SRD5A2: variants seen among roughly 807,000 people sequenced by gnomAD.
SRD5A2 encodes the protein steroid 5 alpha-reductase 2.
Under a neutral mutation model 27.4 loss-of-function variants are expected in SRD5A2, and 30 were observed. That is an observed-to-expected ratio of 1.10 (90% CI 0.82 to 1.49). SRD5A2 has a LOEUF of 1.49. SRD5A2 is among the 40% of genes most tolerant of loss of function. The pLI is 0.00. For missense variants in SRD5A2, 348 were observed against 323.4 expected (o/e 1.08, Z -0.58); for synonymous variants, 141 against 133.6 (o/e 1.06, Z -0.38).
At chr2:31,558,684 G>C (rs551218091) in intron 1 of SRD5A2, among the ~76,000 whole-genome samples, 1 of 152,076 alleles carries the variant, frequency 6.6e-6, no homozygotes, top group Admixed American at 6.5e-5. Flanking sequence ...TGACATTTCG[G>C]TCAATGGCAC....
At chr2:31,547,445 T>C (rs890974171) in intron 1 of SRD5A2, among the ~76,000 whole-genome samples, 4 of 152,212 alleles carry the variant, frequency 2.6e-5, no homozygotes, top group Non-Finnish European at 5.9e-5. Context: ...GTTGGTGGAC[T>C]GGGTGGAGAA....
In SRD5A2 at chr2:31,523,988, C is replaced by G. The variant is rs1223534542; in HGVS notation, c.*2208G>C. 2 of 218,930 alleles carry G rather than the reference C, an allele frequency of 9.1e-6. No homozygotes were observed. The highest frequency in any genetic ancestry group is 2.2e-5 in the African/African-American group (1 of 44,524). The allele number at this position is 218,930 out of a possible 1,614,324, so 13.6% of individuals were successfully genotyped here. ...CGATCATGCTAACTTGAAAGGTCCACGATCAGGCAACAGGACTGGGGTTGG... is the reference window on the plus strand; with the variant it reads ...CGATCATGCTAACTTGAAAGGTCCAGGATCAGGCAACAGGACTGGGGTTGG... On this transcript the variant is annotated 3_prime_UTR_variant, in exon 5 of 5. Coordinates refer to ENST00000622030, the MANE Select transcript of SRD5A2 (RefSeq NM_000348.4).
the SRD5A2 span, among the ~76,000 whole-genome samples, chr2:31,625,342 T>C: frequency 6.6e-6 from 1 of 152,352 alleles, no homozygotes; most frequent in East Asian, 1.9e-4. Flanking sequence ...TTTCTTTTGC[T>C]GTGCAGAAGT....
the SRD5A2 span, among the ~76,000 whole-genome samples, chr2:31,600,634 T>C: frequency 6.6e-6 from 1 of 151,794 alleles, no homozygotes; most frequent in Non-Finnish European, 1.5e-5. Context: ...CACCAAACTT[T>C]TAAAGAACAA....
chr2:31,561,947 C>T (rs1426952616), intron 1 of SRD5A2, among the ~76,000 whole-genome samples: 1 of 152,134 alleles, frequency 6.6e-6, no homozygotes, highest in African/African-American at 2.4e-5. Context: ...CATGAAACAA[C>T]AGTTGCTCAG....
the SRD5A2 span, among the ~76,000 whole-genome samples, chr2:31,600,890 C>A: frequency 6.6e-6 from 1 of 151,798 alleles, no homozygotes; most frequent in Non-Finnish European, 1.5e-5. Flanking sequence ...TCCAGGGATG[C>A]AAGGATGGCT....
chr2:31,585,032 G>C (rs1274825049), upstream of SRD5A2, among the ~76,000 whole-genome samples: 2 of 152,194 alleles, frequency 1.3e-5, no homozygotes, highest in African/African-American at 4.8e-5. Context: ...ATTAAACTCA[G>C]TGTTGTCCTG....
At chr2:31,568,409 G>A (rs1666780621) in intron 1 of SRD5A2, among the ~76,000 whole-genome samples, 1 of 152,216 alleles carries the variant, frequency 6.6e-6, no homozygotes, top group Non-Finnish European at 1.5e-5. Flanking sequence ...GCTTCAGTGA[G>A]TGACAGAGAG....
At chr2:31,536,650 T>C (rs1005157860) in intron 1 of SRD5A2, among the ~76,000 whole-genome samples, 6 of 152,218 alleles carry the variant, frequency 3.9e-5, no homozygotes, top group Non-Finnish European at 8.8e-5. Flanking sequence ...ATAAAGTTCA[T>C]CTAATCTGAA....
the SRD5A2 span, among the ~76,000 whole-genome samples, chr2:31,606,990 G>A: frequency 6.6e-6 from 1 of 151,912 alleles, no homozygotes; most frequent in Non-Finnish European, 1.5e-5. Context: ...AATCACAGCA[G>A]AGATGTAAAA....
At chr2:31,597,461 G>T in the SRD5A2 span, among the ~76,000 whole-genome samples, 1 of 151,588 alleles carries the variant, frequency 6.6e-6, no homozygotes, top group Non-Finnish European at 1.5e-5. Flanking sequence ...AAATATATGG[G>T]ACTTAAACTA....
At chr2:31,660,096 A>G in the SRD5A2 span, among the ~76,000 whole-genome samples, 2 of 152,028 alleles carry the variant, frequency 1.3e-5, no homozygotes, top group East Asian at 1.9e-4. Context: ...AAAATCTCCC[A>G]TATCTCTACT....
the SRD5A2 span, among the ~76,000 whole-genome samples, chr2:31,613,589 T>A: frequency 4.1e-4 from 62 of 152,204 alleles, no homozygotes; most frequent in African/African-American, 1.4e-3. Context: ...TTATAGGCAT[T>A]TTGGAAAGTA....
chr2:31,641,011 A>C, the SRD5A2 span, among the ~76,000 whole-genome samples: 1 of 152,096 alleles, frequency 6.6e-6, no homozygotes, highest in Non-Finnish European at 1.5e-5. Context: ...GGTAATGCAA[A>C]TGTAAAAGTC....
the SRD5A2 span, among the ~76,000 whole-genome samples, chr2:31,645,474 T>C: frequency 6.6e-6 from 1 of 152,146 alleles, no homozygotes; most frequent in South Asian, 2.1e-4. Flanking sequence ...AAAAACGAAA[T>C]GGTCATCTAT....
chr2:31,547,981 C>T (rs1666298099), intron 1 of SRD5A2, among the ~76,000 whole-genome samples: 1 of 152,104 alleles, frequency 6.6e-6, no homozygotes, highest in South Asian at 2.1e-4. Context: ...GATGTCAAGA[C>T]CATTCAGTGG....
chr2:31,662,315 T>C, the SRD5A2 span, among the ~76,000 whole-genome samples: 1 of 152,034 alleles, frequency 6.6e-6, no homozygotes, highest in Non-Finnish European at 1.5e-5. Context: ...TTGTTTTGTG[T>C]GTTTGTTTAT....
intron 1 of SRD5A2, among the ~76,000 whole-genome samples, chr2:31,567,469 T>TATATAC (rs1349542366): frequency 3.3e-5 from 5 of 151,296 alleles, no homozygotes; most frequent in Admixed American, 1.3e-4. Context: ...TATATATATA[T>TATATAC]ATATCTACCA....
Position 31,576,002 on chromosome 2 carries a change from G to A in SRD5A2, c.281+4618C>T, listed in dbSNP as rs914808788. Reference sequence around the variant, plus strand: ...ACAGTCAACAAGAGGTGAGATGGATGGATTAAAGATTTAAACGTTAGACCT... The same window carrying A: ...ACAGTCAACAAGAGGTGAGATGGATAGATTAAAGATTTAAACGTTAGACCT... On this transcript the variant is annotated intron_variant, in intron 1 of 4. Coordinates refer to ENST00000622030, the MANE Select transcript of SRD5A2 (RefSeq NM_000348.4). 2.6e-5 allele frequency among the ~76,000 whole-genome samples: 4 copies of A among 151,964 alleles called. No homozygotes were observed. In the South Asian group the frequency reaches 8.3e-4, roughly 32 times the overall value.
Sources: gnomAD v4.1 joint callset for allele counts (sites outside exome capture counted in the v4.1 genomes callset) on GRCh38, gnomAD v4.1.1 for gene constraint, MANE v1.5 for transcripts, NCBI Gene and HGNC (gene_info 2026-07-23, HGNC 2026-07-21) for gene names.